The following CCDC149 variants were observed in gnomAD, a reference collection of about 807,000 sequenced individuals.
CCDC149 encodes the protein coiled-coil domain containing 149, also known as coiled-coil domain-containing protein 149.
Under a neutral mutation model 59.9 loss-of-function variants are expected in CCDC149, and 45 were observed. That is an observed-to-expected ratio of 0.75 (90% CI 0.59 to 0.96). CCDC149 has a LOEUF of 0.96. Ranked by LOEUF, CCDC149 falls within the 40% of genes least tolerant of loss-of-function variation. The pLI is 0.00. For missense variants in CCDC149, 584 were observed against 664.7 expected (o/e 0.88, Z 1.33); for synonymous variants, 245 against 260.6 (o/e 0.94, Z 0.58).
At chr4:24,834,826 C>G (rs1716390545) in intron 8 of CCDC149, 122 bp downstream of exon 8, 1 of 595,632 alleles carries the variant, frequency 1.7e-6, no homozygotes. Flanking sequence ...AGTCGGGGAG[C>G]CACTGTTCTA....
intron 1 of CCDC149, among the ~76,000 whole-genome samples, chr4:24,881,905 T>C (rs1006812803): frequency 2.0e-5 from 3 of 152,156 alleles, no homozygotes; most frequent in Admixed American, 6.5e-5. Context: ...TGCCAAGGGA[T>C]TGCGAAGCCA....
rs1560209765 is a variant in CCDC149 at position 24,837,272 on chromosome 4, G to GTT, written c.617_618insAA (p.His206GlnfsTer23). The GTT allele has an allele frequency of 6.2e-7, 1 of 1,614,190 alleles. No individual in the cohort carries two copies. On this transcript the variant is annotated frameshift_variant, in exon 6 of 13. Transcript: ENST00000635206. LOFTEE classifies it high-confidence loss of function. The surrounding 1 kb of genome is among the most constrained non-coding windows in gnomAD (Gnocchi z 4.3). Reference sequence around the variant, plus strand: ...CGTCCACGTCAATGATGCGGTTCTCGTGCCCACTCAGGATATGGTTCAGCT... The same window carrying GTT: ...CGTCCACGTCAATGATGCGGTTCTCGTTTGCCCACTCAGGATATGGTTCAGCT...
At chr4:24,840,836 G>T (rs1377106312) in intron 4 of CCDC149, among the ~76,000 whole-genome samples, 1 of 152,162 alleles carries the variant, frequency 6.6e-6, no homozygotes, top group African/African-American at 2.4e-5. Flanking sequence ...CAAATAAGGT[G>T]ATGTTAAACA....
intron 4 of CCDC149, among the ~76,000 whole-genome samples, chr4:24,848,868 T>C (rs1035669176): frequency 6.6e-6 from 1 of 152,160 alleles, no homozygotes; most frequent in African/African-American, 2.4e-5. Context: ...TCAGTGAAGA[T>C]GGAAAAGGCA....
At chr4:24,904,904 T>C (rs1269209393) in intron 1 of CCDC149, among the ~76,000 whole-genome samples, 1 of 152,166 alleles carries the variant, frequency 6.6e-6, no homozygotes, top group Admixed American at 6.5e-5. Context: ...TGTTCTTTCA[T>C]TTGTTTGTTT....
chr4:24,839,024 T>A (rs1337916052), intron 4 of CCDC149, among the ~76,000 whole-genome samples: 1,320 of 107,144 alleles, frequency 0.012, 23 homozygotes, highest in African/African-American at 0.04. Flanking sequence ...TCTCTCTCTC[T>A]CTCTCACACA....
chr4:24,868,315 C>T (rs769639097), intron 3 of CCDC149, among the ~76,000 whole-genome samples: 83 of 152,186 alleles, frequency 5.5e-4, no homozygotes, highest in Non-Finnish European at 1.1e-3. Flanking sequence ...ATGAAGAGGA[C>T]ACCTTACCAC....
At chr4:24,920,472 A>C (rs1467840075) in intron 1 of CCDC149, among the ~76,000 whole-genome samples, 1 of 152,236 alleles carries the variant, frequency 6.6e-6, no homozygotes, top group Non-Finnish European at 1.5e-5. Context: ...TAATGTTCCA[A>C]GGGAGAGGAA....
chr4:24,974,139 A>G lies in CCDC149; in HGVS notation c.-65+5930T>C, dbSNP rs1281087036. On this transcript the variant is annotated intron_variant, in intron 1 of 12. Transcript: ENST00000389609. The stretch of plus-strand genomic sequence containing the variant: ...GTCTAACTAGGTCAGCCTCGGGCAC[A>G]GCTCCTTTTGACAGTTTGCTCCCCA... Among the ~76,000 whole-genome samples the G allele has an allele frequency of 2.6e-5, 4 of 152,260 alleles. No homozygotes were observed. In the East Asian group the frequency reaches 7.7e-4, roughly 29 times the overall value.
chr4:24,877,974 C>G (rs1719570524), intron 1 of CCDC149, among the ~76,000 whole-genome samples: 1 of 152,136 alleles, frequency 6.6e-6, no homozygotes, highest in Non-Finnish European at 1.5e-5. Flanking sequence ...AAATTCAGAG[C>G]ATTCATGAAA....
intron 1 of CCDC149, among the ~76,000 whole-genome samples, chr4:24,965,863 C>T (rs1310542698): frequency 6.6e-6 from 1 of 152,198 alleles, no homozygotes; most frequent in Non-Finnish European, 1.5e-5. Context: ...GGCGCAAAAC[C>T]CCGCACGTTA....
intron 2 of CCDC149, among the ~76,000 whole-genome samples, chr4:24,876,268 G>A (rs182141363): frequency 2.0e-5 from 3 of 149,844 alleles, no homozygotes; most frequent in East Asian, 2.0e-4. Flanking sequence ...AGATGCCAGA[G>A]CAAGAAGCAT....
chr4:24,850,481 C>A (rs774381999), intron 4 of CCDC149, among the ~76,000 whole-genome samples: 1 of 152,050 alleles, frequency 6.6e-6, no homozygotes, highest in Non-Finnish European at 1.5e-5. Flanking sequence ...GAAGAGTATT[C>A]CAGATTGAGC....
chr4:24,811,190 C>G (rs1014891803), intron 12 of CCDC149, among the ~76,000 whole-genome samples: 1 of 152,172 alleles, frequency 6.6e-6, no homozygotes, highest in Non-Finnish European at 1.5e-5. Context: ...TTAACATGTG[C>G]TGTATTCCTA....
intron 1 of CCDC149, among the ~76,000 whole-genome samples, chr4:24,942,331 T>G (rs2109349197): frequency 6.6e-6 from 1 of 152,264 alleles, no homozygotes; most frequent in East Asian, 1.9e-4. Flanking sequence ...AAAAGGCCTT[T>G]GACAAAATTC....
intron 6 of CCDC149, among the ~76,000 whole-genome samples, chr4:24,836,828 G>A (rs767493416): frequency 7.9e-5 from 12 of 152,040 alleles, no homozygotes; most frequent in Non-Finnish European, 1.8e-4. Context: ...AGGAAGAGGC[G>A]ACACCAGACA....
chr4:24,892,273 ATCT>A (rs1281061538), intron 1 of CCDC149, among the ~76,000 whole-genome samples: 1 of 152,188 alleles, frequency 6.6e-6, no homozygotes, highest in Non-Finnish European at 1.5e-5. Flanking sequence ...TGAGCCTAAG[ATCT>A]TTTATCTGTA....
At chr4:24,823,322 C>A (rs1326469481) in intron 9 of CCDC149, among the ~76,000 whole-genome samples, 1 of 152,124 alleles carries the variant, frequency 6.6e-6, no homozygotes, top group Non-Finnish European at 1.5e-5. Context: ...TTGAAAAGAC[C>A]ATACTGTTTA....
intron 3 of CCDC149, among the ~76,000 whole-genome samples, chr4:24,864,371 T>C (rs1045112593): frequency 1.9e-4 from 29 of 152,176 alleles, no homozygotes; most frequent in African/African-American, 7.0e-4. Flanking sequence ...TTTTGAGATG[T>C]CTTTCTAGGT....
Sources: allele counts gnomAD v4.1 joint callset (sites outside exome capture counted in the v4.1 genomes callset), GRCh38; gene constraint gnomAD v4.1.1; non-coding constraint Gnocchi (gnomAD v3.1); transcripts MANE v1.5; gene names NCBI Gene and HGNC (gene_info 2026-07-23, HGNC 2026-07-21).